TLE4: variants seen among roughly 807,000 people sequenced by gnomAD.
TLE4 encodes the protein transducin-like enhancer protein 4.
TLE4 carries 8 observed loss-of-function variants against 92.8 expected under a neutral mutation model. That is an observed-to-expected ratio of 0.09 (90% confidence interval 0.05 to 0.16). The LOEUF (loss-of-function observed/expected upper bound fraction) is 0.16, where lower values mean the gene tolerates loss of function less well. Ranked by LOEUF, TLE4 falls within the 10% of genes least tolerant of loss-of-function variation. The pLI is 1.00. For missense variants in TLE4, 675 were observed against 997.6 expected, an observed-to-expected ratio of 0.68 and a Z score of 4.36; for synonymous variants, 371 against 374.1, an observed-to-expected ratio of 0.99 and a Z score of 0.10.
At position 79,710,511 on chromosome 9, in the gene TLE4, G is replaced by A. The variant is rs187652741; in HGVS notation, c.1340+812G>A. Among the ~76,000 whole-genome samples the A allele has an allele frequency of 6.6e-5, 10 of 152,250 alleles. No individual in the cohort carries two copies. In the South Asian group the frequency reaches 1.2e-3, roughly 19 times the overall value. On this transcript the variant is annotated intron_variant, in intron 14 of 19. Coordinates refer to ENST00000376552, the MANE Select transcript of TLE4 (RefSeq NM_007005.6). ...CATCCCCTCTGTCACTACACATGCC[G>A]TGTATGTGCTGCCTCCCCAGTCTCC...
At chr9:79,719,914 T>C in intron 15 of TLE4, 132 bp from the exon 16 acceptor site, 1 of 1,208,308 alleles carries the variant, frequency 8.3e-7, no homozygotes, top group South Asian at 1.7e-5. Flanking sequence ...TTAATCCACT[T>C]TATCATTGTC....
rs551361507 is a variant in TLE4 at position 79,638,784 on chromosome 9, T to C, written c.390+11336T>C. Among the ~76,000 whole-genome samples the C allele has an allele frequency of 5.3e-5, 8 of 152,300 alleles. No individual in the cohort carries two copies. In the East Asian group the frequency reaches 1.4e-3, roughly 26 times the overall value. The stretch of plus-strand genomic sequence containing the variant: ...AGTTGAGAGGAAAAAACAGTTTAAG[T>C]TGAGATCTACTTGGATTGAAAGCTC... On this transcript the variant is annotated intron_variant, in intron 6 of 19. Transcript: ENST00000376552.
intron 8 of TLE4, among the ~76,000 whole-genome samples, chr9:79,669,594 C>T (rs77641579): frequency 6.6e-6 from 1 of 152,010 alleles, no homozygotes; most frequent in Non-Finnish European, 1.5e-5. Flanking sequence ...TATTATTTCA[C>T]CTAGTGTCTG....
chr9:79,652,081 AG>A lies in TLE4; in HGVS notation c.391-511del, dbSNP rs2059099766. 3.3e-5 allele frequency among the ~76,000 whole-genome samples: 4 copies of A among 122,566 alleles called. No homozygotes were observed. The South Asian group carries it at 1.3e-3, about 41-fold the overall frequency. 80.4% of individuals were successfully genotyped at this position (122,566 alleles called of 152,430 possible). On this transcript the variant is annotated intron_variant, in intron 6 of 19. Coordinates refer to ENST00000376552, the MANE Select transcript of TLE4 (RefSeq NM_007005.6). Reference sequence around the variant, plus strand: ...TTATATTGCATGTGCAAAACCTCCAAGTATAAGAAAGGTAGCATTTATTGAC... The same window carrying A: ...TTATATTGCATGTGCAAAACCTCCAATATAAGAAAGGTAGCATTTATTGAC...
At chr9:79,673,839 A>G (rs1043520051) in intron 8 of TLE4, among the ~76,000 whole-genome samples, 5 of 152,114 alleles carry the variant, frequency 3.3e-5, no homozygotes, top group African/African-American at 4.8e-5. Context: ...GTAGATGGCC[A>G]TTGCTGCATG....
At chr9:79,624,197 C>A (rs1463431556) in intron 5 of TLE4, among the ~76,000 whole-genome samples, 1 of 144,972 alleles carries the variant, frequency 6.9e-6, no homozygotes, top group Non-Finnish European at 1.5e-5. Flanking sequence ...AAAAAAAAGC[C>A]TCCTGGGTCA....
intron 14 of TLE4, among the ~76,000 whole-genome samples, chr9:79,711,609 C>T (rs923589055): frequency 2.0e-5 from 3 of 152,132 alleles, no homozygotes; most frequent in African/African-American, 7.2e-5. Context: ...GCCTCAGCTG[C>T]TGCTTCGAGG....
At chr9:79,587,957 G>A (rs1424860029) in intron 4 of TLE4, among the ~76,000 whole-genome samples, 1 of 152,160 alleles carries the variant, frequency 6.6e-6, no homozygotes, top group East Asian at 1.9e-4. Context: ...TATTGTGTAT[G>A]AGGAAACTAA....
intron 8 of TLE4, among the ~76,000 whole-genome samples, chr9:79,689,262 G>A (rs1426718272): frequency 6.6e-6 from 1 of 151,862 alleles, no homozygotes; most frequent in Non-Finnish European, 1.5e-5. Flanking sequence ...ATGACCAGTA[G>A]TAGAACAAGA....
At chr9:79,671,562 CT>C in intron 8 of TLE4, 1 of 247,458 alleles carries the variant, frequency 4.0e-6, no homozygotes, top group South Asian at 4.9e-5. Context: ...AGGAGAGACT[CT>C]TGCTGCTTTT....
chr9:79,669,089 T>G (rs143305899), intron 8 of TLE4, among the ~76,000 whole-genome samples: 1 of 152,244 alleles, frequency 6.6e-6, no homozygotes, highest in Non-Finnish European at 1.5e-5. Flanking sequence ...AAATATAAAG[T>G]CTCCCTGGCT....
At position 79,572,683 on chromosome 9, in the gene TLE4, C is replaced by G. The variant is rs1186307285; in HGVS notation, c.-108C>G. The G allele has an allele frequency of 8.2e-6, 10 of 1,215,296 alleles. No homozygotes were observed. The East Asian group carries it at 2.7e-4, about 33-fold the overall frequency. 75.3% of individuals were successfully genotyped at this position (1,215,296 alleles called of 1,614,324 possible). A position where few individuals can be genotyped will look rare whatever the true frequency, so the allele number is the denominator to read the frequency against. On this transcript the variant is annotated 5_prime_UTR_variant, in exon 1 of 20. Transcript: ENST00000376552. Reference sequence around the variant, plus strand: ...GGGGCCGGGACCGCCCGAGCCGCCCCTCAGACCGAGCCGGCCGCCTCCGCT... The same window carrying G: ...GGGGCCGGGACCGCCCGAGCCGCCCGTCAGACCGAGCCGGCCGCCTCCGCT...
At chr9:79,694,316 G>A (rs2067729133) in intron 8 of TLE4, among the ~76,000 whole-genome samples, 1 of 152,174 alleles carries the variant, frequency 6.6e-6, no homozygotes, top group Non-Finnish European at 1.5e-5. Context: ...GGGGGAGGGT[G>A]AGAGATTAGA....
At chr9:79,638,630 C>T (rs1473072839) in intron 6 of TLE4, among the ~76,000 whole-genome samples, 1 of 151,932 alleles carries the variant, frequency 6.6e-6, no homozygotes, top group Non-Finnish European at 1.5e-5. Context: ...AAGGGCAGTG[C>T]CACTATGGTC....
chr9:79,725,264 G>A lies in TLE4; in HGVS notation c.*120G>A. 1 of 663,618 alleles carries A rather than the reference G, an allele frequency of 1.5e-6. No homozygotes were observed. Among genetic ancestry groups the A allele is most frequent in the Admixed American group, 2.6e-5 (1 of 38,826 alleles). The allele number at this position is 663,618 out of a possible 1,614,324, so 41.1% of individuals were successfully genotyped here. A position where few individuals can be genotyped will look rare whatever the true frequency, so the allele number is the denominator to read the frequency against. ...GATTTCAGATACTCATTGCAGTTGT[G>A]GAGTTTAATCCCCTTTCTTAACCTC... is the stretch of plus-strand genomic sequence containing the variant. On this transcript the variant is annotated 3_prime_UTR_variant, in exon 20 of 20. Transcript: ENST00000376552.
intron 8 of TLE4, among the ~76,000 whole-genome samples, chr9:79,656,906 T>C (rs1332269004): frequency 6.6e-6 from 1 of 152,202 alleles, no homozygotes; most frequent in Non-Finnish European, 1.5e-5. Context: ...TGTCTTTCTC[T>C]TCTGGGAAGT....
intron 8 of TLE4, among the ~76,000 whole-genome samples, chr9:79,671,823 G>T (rs1330326879): frequency 2.0e-5 from 3 of 151,584 alleles, no homozygotes; most frequent in African/African-American, 7.3e-5. Context: ...GCAAGGGGAG[G>T]TTAAGGACTA....
chr9:79,688,154 AT>A, intron 8 of TLE4, among the ~76,000 whole-genome samples: 1 of 152,302 alleles, frequency 6.6e-6, no homozygotes, highest in East Asian at 1.9e-4. Flanking sequence ...AGGTCACAGT[AT>A]ACTTCGTGCT....
rs557214119 is a variant in TLE4, at chr9:79,682,324, CCT to C, written c.610-22458_610-22457del. 5.3e-5 allele frequency among the ~76,000 whole-genome samples: 8 copies of C among 152,140 alleles called. No homozygotes were observed. In the South Asian group the frequency reaches 1.2e-3, roughly 24 times the overall value. Reference sequence around the variant, plus strand: ...TTGATTATAGACTGTTATTCCAGCCCCTGTTAGAGTATATGCATCATATTGCC... The same window carrying C: ...TTGATTATAGACTGTTATTCCAGCCCGTTAGAGTATATGCATCATATTGCC... On this transcript the variant is annotated intron_variant, in intron 8 of 19. Transcript: ENST00000376552.
Sources: allele counts gnomAD v4.1 joint callset (sites outside exome capture counted in the v4.1 genomes callset), GRCh38; gene constraint gnomAD v4.1.1; transcripts MANE v1.5; gene names NCBI Gene and HGNC (gene_info 2026-07-23, HGNC 2026-07-21).